The following AP3D1 variants were observed in gnomAD, a reference collection of about 807,000 sequenced individuals.
AP3D1 encodes AP-3 complex subunit delta-1.
In AP3D1, 51 loss-of-function variants were observed where a neutral mutation model predicts 147.6. That is an observed-to-expected ratio of 0.35 (90% CI 0.28 to 0.44). The LOEUF is 0.44. Among genes scored for constraint, AP3D1 ranks in the 20% least tolerant of loss-of-function variants. AP3D1 has a pLI of 1.00. For synonymous variants in AP3D1, 760 were observed against 663.0 expected (o/e 1.15, Z -2.25); for missense variants, 1,421 against 1,624.2 (o/e 0.87, Z 2.15).
Position 2,113,162 on chromosome 19 carries a change from G to C in AP3D1, c.2679+174C>G, listed in dbSNP as rs2018335419. 6.4e-6 allele frequency: 4 copies of C among 624,368 alleles called. No individual in the cohort carries two copies. The South Asian group carries it at 8.1e-5, about 13-fold the overall frequency. The allele number at this position is 624,368 out of a possible 1,614,324, so 38.7% of individuals were successfully genotyped here. On this transcript the variant is annotated intron_variant, in intron 23 of 31. Coordinates refer to ENST00000643116, the MANE Select transcript of AP3D1 (RefSeq NM_001261826.3). ...CCTCCCCTTCCCCTGGCCCCTGCTTGGCCCACTGGGACCCGGGAGCATGAC... is the reference window on the plus strand; with the variant it reads ...CCTCCCCTTCCCCTGGCCCCTGCTTCGCCCACTGGGACCCGGGAGCATGAC...
At position 2,116,640 on chromosome 19, in the gene AP3D1, G is replaced by A. The variant is rs779953403; in HGVS notation, c.1966C>T (p.Arg656Trp). Residue 656 changes from arginine to tryptophan, a missense_variant, in exon 17 of 32, where the codon CGG (arginine) becomes TGG (tryptophan). Transcript: ENST00000643116. ...TCTTCCTCGTCCGCCTCCGACGGCC[G>A]GTGCTTGGGACGCCGCTGCTCCTCC... ...HEEEQRRPKH[R>W]PSEADEEELA... 4.0e-5 allele frequency: 64 copies of A among 1,603,178 alleles called. No homozygotes were observed. The highest frequency in any genetic ancestry group is 1.7e-4 in the African/African-American group (13 of 74,732).
chr19:2,141,598 C>T (rs1004006861), intron 1 of AP3D1, among the ~76,000 whole-genome samples: 14 of 151,920 alleles, frequency 9.2e-5, no homozygotes, highest in African/African-American at 2.9e-4. Context: ...CACACCACCA[C>T]GCCCAGCTAA....
chr19:2,161,397 G>C (rs1246075114), intron 1 of AP3D1, among the ~76,000 whole-genome samples: 1 of 151,686 alleles, frequency 6.6e-6, no homozygotes, highest in African/African-American at 2.4e-5. Flanking sequence ...CCTGACCTCA[G>C]GTGATCCGCC....
At chr19:2,131,593 A>G (rs77523434) in intron 5 of AP3D1, among the ~76,000 whole-genome samples, 10 of 119,812 alleles carry the variant, frequency 8.3e-5, no homozygotes, top group South Asian at 2.8e-4. Context: ...TCTAGACACC[A>G]GGTGGACAGG....
intron 4 of AP3D1, among the ~76,000 whole-genome samples, 159 bp from the exon 5 acceptor site, chr19:2,132,737 G>A (rs1162888762): frequency 1.3e-5 from 2 of 152,200 alleles, no homozygotes; most frequent in Non-Finnish European, 2.9e-5. Context: ...CTGCTGCTGA[G>A]GGGTCTGAAG....
At chr19:2,126,115 G>A (rs1048327111) in intron 9 of AP3D1, among the ~76,000 whole-genome samples, 1 of 149,386 alleles carries the variant, frequency 6.7e-6, no homozygotes, top group Non-Finnish European at 1.5e-5. Context: ...GAGAGACGGG[G>A]TCTCACTCTG....
At position 2,110,848 on chromosome 19, in the gene AP3D1, C is replaced by T; in HGVS notation, c.3034G>A (p.Ala1012Thr). 1 of 1,613,608 alleles carries T rather than the reference C, an allele frequency of 6.2e-7. No individual in the cohort carries two copies. The highest frequency in any genetic ancestry group is 8.5e-7 in the Non-Finnish European group (1 of 1,179,996). ...SLQEDSQVTVAIVLENRSSSI... is the reference protein window; with the variant it reads ...SLQEDSQVTVTIVLENRSSSI... ...CTGCTCCTGTTCTCCAGCACGATGG[C>T]CACAGTGACCTGGCTGTCCTCCTGC... Residue 1012 changes from alanine to threonine, a missense_variant, in exon 27 of 32, where the codon GCC becomes ACC. Physicochemically the swap from Ala to Thr is moderately conservative, Grantham distance 58 (BLOSUM62 0). Coordinates refer to ENST00000643116, the MANE Select transcript of AP3D1 (RefSeq NM_001261826.3).
Position 2,117,254 on chromosome 19 carries a change from G to A in AP3D1, c.1827C>T (p.Pro609=), listed in dbSNP as rs768480548. The part of the protein sequence containing the change: ...LFAGELNPVA[P]KAQKKVPVPE... ...GGACTGGAACCTTCTTCTGGGCCTTGGGGGCCACTGGGTTCAGCTCCCCAG... is the reference window on the plus strand; with the variant it reads ...GGACTGGAACCTTCTTCTGGGCCTTAGGGGCCACTGGGTTCAGCTCCCCAG... Residue 609 remains proline, a synonymous_variant, in exon 16 of 32, where the codon CCC becomes CCT. Transcript: ENST00000643116. 5 of 1,612,274 alleles carry A rather than the reference G, an allele frequency of 3.1e-6. No individual in the cohort carries two copies. In the South Asian group the frequency reaches 4.4e-5, roughly 14 times the overall value.
chr19:2,146,607 CAAAA>C (rs397859951), intron 1 of AP3D1, among the ~76,000 whole-genome samples: 2 of 66,656 alleles, frequency 3.0e-5, no homozygotes, highest in South Asian at 4.8e-4. Flanking sequence ...GACCCTGTCT[CAAAA>C]AAAAAAAAAA....
intron 14 of AP3D1, among the ~76,000 whole-genome samples, chr19:2,120,552 C>T (rs763115360): frequency 2.6e-5 from 4 of 152,186 alleles, no homozygotes; most frequent in Non-Finnish European, 4.4e-5. Flanking sequence ...GGGCCAGCCC[C>T]CCGTCTGCAG....
At chr19:2,164,435 G>T in exon 1 of AP3D1, 1 of 427,786 alleles carries the variant, frequency 2.3e-6, no homozygotes, top group Non-Finnish European at 3.7e-6. Context: ...AGGGCCCCGC[G>T]GCTGTTTCCC....
intron 1 of AP3D1, among the ~76,000 whole-genome samples, chr19:2,139,725 T>C (rs558329809): frequency 1.2e-4 from 18 of 152,218 alleles, no homozygotes; most frequent in Admixed American, 5.2e-4. Context: ...AGGTCAGGAG[T>C]GACGGCTGCC....
chr19:2,114,406 TC>T, intron 21 of AP3D1, 104 bp from the exon 22 acceptor site: 1 of 964,638 alleles, frequency 1.0e-6, no homozygotes, highest in Non-Finnish European at 1.6e-6. Flanking sequence ...GACCTGCTCC[TC>T]CAGCCCCTGG....
chr19:2,146,186 C>T (rs1030574590), intron 1 of AP3D1, among the ~76,000 whole-genome samples: 1 of 152,212 alleles, frequency 6.6e-6, no homozygotes, highest in Non-Finnish European at 1.5e-5. Context: ...CCCACCATGA[C>T]GGCTGCAAAG....
intron 1 of AP3D1, among the ~76,000 whole-genome samples, chr19:2,142,412 A>G (rs1468892533): frequency 6.6e-6 from 1 of 152,058 alleles, no homozygotes; most frequent in Non-Finnish European, 1.5e-5. Context: ...GGCCTCCCAC[A>G]GTGCTGGGAT....
At chr19:2,114,950 C>T in intron 20 of AP3D1, 129 bp from the exon 21 acceptor site, 3 of 1,060,184 alleles carry the variant, frequency 2.8e-6, no homozygotes, top group Non-Finnish European at 4.3e-6. Flanking sequence ...GTGGCTCCAC[C>T]AGAGGCTCCG....
At chr19:2,108,311 G>A (rs971105515) in intron 31 of AP3D1, among the ~76,000 whole-genome samples, 1 of 152,238 alleles carries the variant, frequency 6.6e-6, no homozygotes, top group Non-Finnish European at 1.5e-5. Context: ...CTCAGGAGAG[G>A]GAGGCCCGGA....
chr19:2,136,250 A>T (rs1404356457), intron 4 of AP3D1, among the ~76,000 whole-genome samples: 1 of 152,224 alleles, frequency 6.6e-6, no homozygotes, highest in African/African-American at 2.4e-5. Context: ...GCCGGACATC[A>T]GTCACAGCCA....
At chr19:2,137,261 C>T (rs114457066) in intron 3 of AP3D1, among the ~76,000 whole-genome samples, 170 bp from the exon 4 acceptor site, 591 of 152,190 alleles carry the variant, frequency 3.9e-3, no homozygotes, top group African/African-American at 6.4e-3. Context: ...TGAAAACCAA[C>T]GCAGATTTCT....
Sources: allele counts gnomAD v4.1 joint callset (sites outside exome capture counted in the v4.1 genomes callset), GRCh38; gene constraint gnomAD v4.1.1; transcripts MANE v1.5; gene names NCBI Gene and HGNC (gene_info 2026-07-23, HGNC 2026-07-21).